The following PRKAG2 variants were observed in gnomAD, a reference collection of about 807,000 sequenced individuals.
PRKAG2 encodes protein kinase AMP-activated non-catalytic subunit gamma 2, also known as 5'-AMP-activated protein kinase subunit gamma-2.
PRKAG2 carries 26 observed loss-of-function variants against 69.6 expected under a neutral mutation model. The ratio of observed to expected loss-of-function variants is 0.37; its 90% CI spans 0.27 to 0.52. PRKAG2 has a LOEUF of 0.52. PRKAG2 is among the 20% of genes least tolerant of loss of function. PRKAG2 has a pLI of 0.90. For synonymous variants in PRKAG2, 293 were observed against 285.0 expected, an observed-to-expected ratio of 1.03 and a Z score of -0.28; for missense variants, 557 against 740.0, an observed-to-expected ratio of 0.75 and a Z score of 2.87.
chr7:151,632,316 C>CCCGAGG lies in PRKAG2; in HGVS notation c.685-184_685-179dup, dbSNP rs1824795174. On this transcript the variant is annotated intron_variant, in intron 4 of 15. Transcript: ENST00000287878. The surrounding 1 kb of genome is among the most constrained non-coding windows in gnomAD (Gnocchi z 4.2). ...GGAGCGGGAGCGCTGCCCCCACCCG[C>CCCGAGG]CCGAGGCCGCCGCCGCCGCCGCAGG... is the stretch of plus-strand genomic sequence containing the variant. 4.8e-6 allele frequency: 4 copies of CCCGAGG among 833,832 alleles called. No individual in the cohort carries two copies. The highest frequency in any genetic ancestry group is 5.8e-6 in the Non-Finnish European group (4 of 694,380). The allele number at this position is 833,832 out of a possible 1,614,324, so 51.7% of individuals were successfully genotyped here.
chr7:151,794,441 G>A (rs2077398559), intron 1 of PRKAG2, among the ~76,000 whole-genome samples: 1 of 152,248 alleles, frequency 6.6e-6, no homozygotes, highest in South Asian at 2.1e-4. Flanking sequence ...CTTATCACGG[G>A]CTGGTGGGAA....
intron 6 of PRKAG2, among the ~76,000 whole-genome samples, chr7:151,587,822 T>G (rs188164574): frequency 6.6e-6 from 1 of 152,282 alleles, no homozygotes; most frequent in East Asian, 1.9e-4. Flanking sequence ...AACGGCATTA[T>G]GCAAAAACTA....
At position 151,876,577 on chromosome 7, in the gene PRKAG2, G is replaced by A. The variant is rs1306017686; in HGVS notation, c.44C>T (p.Ser15Phe). ...CTTGCCGCCGCTCCCGCCGGGGCTGGAAACATCTTTTTTCTTCTTGGTGTC... is the reference window on the plus strand; with the variant it reads ...CTTGCCGCCGCTCCCGCCGGGGCTGAAAACATCTTTTTTCTTCTTGGTGTC... Reference protein sequence around the residue: ...VMDTKKKKDVSSPGGSGGKKN... With the variant: ...VMDTKKKKDVFSPGGSGGKKN... The change falls in exon 1 of 16, where the codon TCC becomes TTC. Residue 15 changes from serine to phenylalanine, a missense_variant. Transcript: ENST00000287878. The A allele has an allele frequency of 1.9e-6, 3 of 1,610,508 alleles. No individual in the cohort carries two copies. In the East Asian group the frequency reaches 6.7e-5, roughly 36 times the overall value.
chr7:151,632,928 G>T lies in PRKAG2; in HGVS notation c.685-790C>A, dbSNP rs1050983006. 6.6e-6 allele frequency: 1 copy of T among 152,216 alleles called. No individual in the cohort carries two copies. The highest frequency in any genetic ancestry group is 6.5e-5 in the Admixed American group (1 of 15,280). 9.4% of individuals were successfully genotyped at this position (152,216 alleles called of 1,614,324 possible). ...CCCTGAATCTGGCCCTGGCCGCTCAGGAGCTGGGTATCTGAGACTCTACTA... is the reference window on the plus strand; with the variant it reads ...CCCTGAATCTGGCCCTGGCCGCTCATGAGCTGGGTATCTGAGACTCTACTA... On this transcript the variant is annotated intron_variant, in intron 4 of 15. Transcript: ENST00000287878. The surrounding 1 kb of genome is among the most constrained non-coding windows in gnomAD (Gnocchi z 4.2).
intron 1 of PRKAG2, among the ~76,000 whole-genome samples, chr7:151,811,495 C>T (rs2078420613): frequency 1.3e-5 from 2 of 152,252 alleles, no homozygotes; most frequent in African/African-American, 4.8e-5. Context: ...TTTCTCTTAA[C>T]TCATAATTCA....
chr7:151,628,698 T>C (rs1383297943), intron 5 of PRKAG2, among the ~76,000 whole-genome samples: 4 of 139,028 alleles, frequency 2.9e-5, no homozygotes, highest in African/African-American at 1.1e-4. Flanking sequence ...AGTGAGACCC[T>C]GAGGGAGGGA....
chr7:151,599,316 C>T (rs549910630), intron 5 of PRKAG2, among the ~76,000 whole-genome samples: 2 of 152,226 alleles, frequency 1.3e-5, no homozygotes, highest in African/African-American at 2.4e-5. Flanking sequence ...CTTGATTTTG[C>T]ACCCCAGAAC....
At chr7:151,568,519 G>C (rs1288273682) in intron 11 of PRKAG2, among the ~76,000 whole-genome samples, 197 bp downstream of exon 11, 1 of 152,080 alleles carries the variant, frequency 6.6e-6, no homozygotes, top group Non-Finnish European at 1.5e-5. Flanking sequence ...TGCACTAAAA[G>C]GTGATTCTTT....
chr7:151,579,191 AT>A (rs1170412068), intron 6 of PRKAG2, among the ~76,000 whole-genome samples: 2 of 151,750 alleles, frequency 1.3e-5, no homozygotes, highest in African/African-American at 2.4e-5. Flanking sequence ...TGTCCAGATA[AT>A]TTTTTTTCTT....
At chr7:151,858,807 C>A (rs542187033) in intron 1 of PRKAG2, among the ~76,000 whole-genome samples, 95 of 152,330 alleles carry the variant, frequency 6.2e-4, no homozygotes, top group African/African-American at 2.2e-3. Context: ...TCAGCAAGCA[C>A]CTGCTATGCA....
intron 3 of PRKAG2, among the ~76,000 whole-genome samples, chr7:151,740,144 A>T (rs1325018430): frequency 6.6e-6 from 1 of 152,166 alleles, no homozygotes; most frequent in East Asian, 1.9e-4. Flanking sequence ...CTGCTCCCTG[A>T]TGGAGCCGAC....
At position 151,814,516 on chromosome 7, in the gene PRKAG2, G is replaced by A. The variant is rs899773783; in HGVS notation, c.115-27975C>T. 19 of 1,231,180 alleles carry A rather than the reference G, an allele frequency of 1.5e-5. No individual in the cohort carries two copies. Among genetic ancestry groups the A allele is most frequent in the Middle Eastern group, 3.1e-4 (1 of 3,208 alleles). 76.3% of individuals were successfully genotyped at this position (1,231,180 alleles called of 1,614,324 possible). On this transcript the variant is annotated intron_variant, in intron 1 of 15. Coordinates refer to ENST00000287878, the MANE Select transcript of PRKAG2 (RefSeq NM_016203.4). The surrounding 1 kb of genome is among the most constrained non-coding windows in gnomAD (Gnocchi z 4.8). Reference sequence around the variant, plus strand: ...CAGGATGCGAGTGACGGGGACGGGCGGCACTCCCAGCTCTGACAAATCCTG... The same window carrying A: ...CAGGATGCGAGTGACGGGGACGGGCAGCACTCCCAGCTCTGACAAATCCTG...
intron 3 of PRKAG2, among the ~76,000 whole-genome samples, chr7:151,740,207 C>G (rs2073781058): frequency 6.6e-6 from 1 of 152,234 alleles, no homozygotes; most frequent in East Asian, 1.9e-4. Context: ...TTAGCTGCAG[C>G]CAACAGTGGG....
chr7:151,815,813 G>A (rs972993150), intron 1 of PRKAG2, among the ~76,000 whole-genome samples: 3 of 152,122 alleles, frequency 2.0e-5, no homozygotes, highest in African/African-American at 4.8e-5. Flanking sequence ...TCAGAACCCC[G>A]CCGTGTCCCT....
chr7:151,587,219 C>T (rs761973867), intron 6 of PRKAG2, among the ~76,000 whole-genome samples: 2 of 152,188 alleles, frequency 1.3e-5, no homozygotes, highest in African/African-American at 4.8e-5. Flanking sequence ...TTCAAAATCA[C>T]ATTGCCTGGA....
rs139621163 is a variant in PRKAG2 at position 151,634,633 on chromosome 7, T to A, written c.685-2495A>T. On this transcript the variant is annotated intron_variant, in intron 4 of 15. Transcript: ENST00000287878. ...GCAAAAATAAAATAAAATAAAAATG[T>A]CTGGAATACATAAACACTACCAATA... Among the ~76,000 whole-genome samples, 37 of 152,262 alleles carry A rather than the reference T, an allele frequency of 2.4e-4. No individual in the cohort carries two copies. The East Asian group carries it at 5.6e-3, about 23-fold the overall frequency.
At chr7:151,615,675 G>C (rs1391477202) in intron 5 of PRKAG2, among the ~76,000 whole-genome samples, 1 of 152,018 alleles carries the variant, frequency 6.6e-6, no homozygotes, top group African/African-American at 2.4e-5. Flanking sequence ...TCCAACAAAG[G>C]TCCAATATCC....
At chr7:151,617,960 T>A (rs925664831) in intron 5 of PRKAG2, among the ~76,000 whole-genome samples, 5 of 152,164 alleles carry the variant, frequency 3.3e-5, no homozygotes, top group Non-Finnish European at 7.4e-5. Context: ...TGTTAAAAAA[T>A]ATCTGAGTAA....
chr7:151,868,944 G>A (rs908028870), intron 1 of PRKAG2, among the ~76,000 whole-genome samples: 19 of 152,346 alleles, frequency 1.2e-4, no homozygotes, highest in Admixed American at 9.1e-4. Context: ...TACAAATTAC[G>A]TAAGCGAAGT....
Sources: gnomAD v4.1 joint callset for allele counts (sites outside exome capture counted in the v4.1 genomes callset) on GRCh38, gnomAD v4.1.1 for gene constraint, Gnocchi (gnomAD v3.1) non-coding constraint, MANE v1.5 for transcripts, NCBI Gene and HGNC (gene_info 2026-07-23, HGNC 2026-07-21) for gene names.